Variants in CCDC77 observed in about 807,000 individuals in gnomAD.
CCDC77 encodes the protein coiled-coil domain containing 77, also known as coiled-coil domain-containing protein 77.
A neutral mutation model predicts 66.8 loss-of-function variants in CCDC77; 56 were observed. That is an observed-to-expected ratio of 0.84 (90% CI 0.68 to 1.05). CCDC77 has a LOEUF of 1.05. Among genes scored for constraint, CCDC77 ranks in the 50% least tolerant of loss-of-function variants. The pLI is 0.00. For missense variants in CCDC77, 570 were observed against 576.8 expected, an observed-to-expected ratio of 0.99 and a Z score of 0.12; for synonymous variants, 196 against 195.2, an observed-to-expected ratio of 1.00 and a Z score of -0.03.
chr12:390,700 C>T (rs1944738473), intron 1 of CCDC77, among the ~76,000 whole-genome samples: 1 of 151,012 alleles, frequency 6.6e-6, no homozygotes, highest in Non-Finnish European at 1.5e-5. Context: ...GCTCTATAAT[C>T]AAGTGAGTCA....
chr12:434,870 T>C (rs1450162432), intron 9 of CCDC77, among the ~76,000 whole-genome samples: 1 of 152,246 alleles, frequency 6.6e-6, no homozygotes, highest in East Asian at 1.9e-4. Context: ...ACATCCTCAG[T>C]TGAATGTGTT....
At position 442,199 on chromosome 12, in the gene CCDC77, G is replaced by A. The variant is rs891864947; in HGVS notation, c.*279G>A. The A allele has an allele frequency of 3.1e-5, 8 of 258,868 alleles. No homozygotes were observed. The highest frequency in any genetic ancestry group is 6.7e-5 in the African/African-American group (3 of 45,008). The allele number at this position is 258,868 out of a possible 1,614,324, so 16.0% of individuals were successfully genotyped here. On this transcript the variant is annotated 3_prime_UTR_variant, in exon 13 of 13. Transcript: ENST00000239830. ...ATTATTTATCCTGTCTGTATTGACC[G>A]GTTTTTGTTTTTTCAGAAGGCAGTG...
In CCDC77 at chr12:441,861, G is replaced by A. The variant is rs770644265; in HGVS notation, c.1408G>A (p.Glu470Lys). 2.5e-6 allele frequency: 4 copies of A among 1,613,394 alleles called. No homozygotes were observed. The African/African-American group carries it at 5.4e-5, about 22-fold the overall frequency. Residue 470 changes from glutamate to lysine, a missense_variant, in exon 13 of 13, where the codon GAA becomes AAA. By Grantham distance (56) the Glu-to-Lys change is moderately conservative. Coordinates refer to ENST00000239830, the MANE Select transcript of CCDC77 (RefSeq NM_032358.4). ...SNRRAHKIQG[E>K]LKNLKSKVFG... ...TAGACGGGCACATAAGATACAAGGAGAACTGAAGAATCTTAAGTCGAAAGT... is the reference window on the plus strand; with the variant it reads ...TAGACGGGCACATAAGATACAAGGAAAACTGAAGAATCTTAAGTCGAAAGT...
intron 12 of CCDC77, among the ~76,000 whole-genome samples, 173 bp downstream of exon 12, chr12:441,169 A>G (rs1591997902): frequency 1.3e-5 from 2 of 152,216 alleles, no homozygotes; most frequent in Non-Finnish European, 2.9e-5. Flanking sequence ...GAGGGAAAAT[A>G]AAAAGACCCT....
At chr12:406,620 G>A (rs1274747482) in intron 2 of CCDC77, among the ~76,000 whole-genome samples, 1 of 152,132 alleles carries the variant, frequency 6.6e-6, no homozygotes, top group Non-Finnish European at 1.5e-5. Context: ...ATATTAATGT[G>A]TTGAGAATAC....
In CCDC77 at chr12:442,205, T is replaced by C. The variant is rs1945870146; in HGVS notation, c.*285T>C. The C allele has an allele frequency of 4.0e-6, 1 of 247,502 alleles. No individual in the cohort carries two copies. The highest frequency in any genetic ancestry group is 7.7e-6 in the Non-Finnish European group (1 of 129,746). The allele number at this position is 247,502 out of a possible 1,614,324, so 15.3% of individuals were successfully genotyped here. A position where few individuals can be genotyped will look rare whatever the true frequency, so the allele number is the denominator to read the frequency against. On this transcript the variant is annotated 3_prime_UTR_variant, in exon 13 of 13. Coordinates refer to ENST00000239830, the MANE Select transcript of CCDC77 (RefSeq NM_032358.4). ...TATCCTGTCTGTATTGACCGGTTTTTGTTTTTTCAGAAGGCAGTGATGATG... is the reference window on the plus strand; with the variant it reads ...TATCCTGTCTGTATTGACCGGTTTTCGTTTTTTCAGAAGGCAGTGATGATG...
intron 5 of CCDC77, 187 bp downstream of exon 5, chr12:418,823 C>T (rs1264566080): frequency 5.1e-6 from 3 of 588,758 alleles, no homozygotes; most frequent in Admixed American, 3.1e-5. Context: ...CTCAGCCTCT[C>T]GAGTAGCTGG....
intron 4 of CCDC77, among the ~76,000 whole-genome samples, chr12:415,722 T>C (rs1945242619): frequency 6.6e-6 from 1 of 152,022 alleles, no homozygotes. Flanking sequence ...AGCCTCAACG[T>C]CCTGGACTCA....
chr12:416,161 G>A (rs1007366126), intron 4 of CCDC77, among the ~76,000 whole-genome samples: 3 of 150,962 alleles, frequency 2.0e-5, no homozygotes, highest in African/African-American at 7.3e-5. Flanking sequence ...GGATGGTCTT[G>A]AACTCCTGGG....
rs747648488 is a variant in CCDC77, at chr12:433,216, T to C, written c.715T>C (p.Ser239Pro). 4 of 1,613,916 alleles carry C rather than the reference T, an allele frequency of 2.5e-6. No individual in the cohort carries two copies. In the Admixed American group the frequency reaches 5.0e-5, roughly 20 times the overall value. The change falls in exon 9 of 13, where the codon TCT becomes CCT. Residue 239 changes from serine (S) to proline (P), a missense_variant. Coordinates refer to ENST00000239830, the MANE Select transcript of CCDC77 (RefSeq NM_032358.4). ...TCAGCTGGGAGAGCAGACCAAACTT[T>C]CTCGAGAACAAATTGAAGGGCTCAT... ...QAQLGEQTKL[S>P]REQIEGLIED...
chr12:391,071 A>AT (rs975627604), intron 1 of CCDC77, among the ~76,000 whole-genome samples: 2 of 152,190 alleles, frequency 1.3e-5, no homozygotes, highest in African/African-American at 4.8e-5. Context: ...GAAAATTCCA[A>AT]TTTTTTATGA....
chr12:389,378 T>C (rs1944702427), exon 1 of CCDC77: 2 of 578,250 alleles, frequency 3.5e-6, no homozygotes, highest in Non-Finnish European at 6.2e-6. Context: ...GACGCCTGTG[T>C]GTCTGGCCTT....
intron 4 of CCDC77, among the ~76,000 whole-genome samples, chr12:415,510 A>T (rs1025927268): frequency 7.7e-6 from 1 of 130,400 alleles, no homozygotes; most frequent in Non-Finnish European, 1.6e-5. Context: ...TTAACATAAT[A>T]TGTTAATATT....
At chr12:430,930 A>G (rs1411264928) in intron 7 of CCDC77, among the ~76,000 whole-genome samples, 194 bp downstream of exon 7, 2 of 151,834 alleles carry the variant, frequency 1.3e-5, no homozygotes, top group Non-Finnish European at 2.9e-5. Flanking sequence ...AATACAAAAA[A>G]CTAGCCGGGT....
At chr12:394,926 C>G (rs914737254) in intron 1 of CCDC77, among the ~76,000 whole-genome samples, 1 of 152,188 alleles carries the variant, frequency 6.6e-6, no homozygotes, top group African/African-American at 2.4e-5. Flanking sequence ...TATCGGCTCT[C>G]ATACAGCTCA....
intron 1 of CCDC77, among the ~76,000 whole-genome samples, chr12:402,144 A>G (rs982278130): frequency 6.6e-6 from 1 of 152,230 alleles, no homozygotes; most frequent in Non-Finnish European, 1.5e-5. Context: ...AGCTATAAGA[A>G]TATATCTAAG....
upstream of CCDC77, among the ~76,000 whole-genome samples, chr12:396,778 C>T (rs1012706729): frequency 1.3e-5 from 2 of 152,222 alleles, no homozygotes; most frequent in Non-Finnish European, 2.9e-5. Flanking sequence ...GAGATGACCA[C>T]ATCAATTTCT....
chr12:407,094 C>T (rs1420306847), intron 2 of CCDC77, among the ~76,000 whole-genome samples: 1 of 152,120 alleles, frequency 6.6e-6, no homozygotes, highest in Admixed American at 6.5e-5. Context: ...TTGAGTGAAG[C>T]CAGGAGTTTG....
rs755600704 is a variant in CCDC77, at chr12:441,926, A to G, written c.*6A>G. ...ATGAACTTAGACTCTGTTAATGTCT[A>G]CTTTTGGAAATGGCCCCCATTTAGA... is the stretch of plus-strand genomic sequence containing the variant. On this transcript the variant is annotated 3_prime_UTR_variant, in exon 13 of 13. Transcript: ENST00000239830. The G allele has an allele frequency of 6.2e-7, 1 of 1,613,838 alleles. No homozygotes were observed. The highest frequency in any genetic ancestry group is 1.7e-5 in the Admixed American group (1 of 60,000).
Sources: allele counts gnomAD v4.1 joint callset (sites outside exome capture counted in the v4.1 genomes callset), GRCh38; gene constraint gnomAD v4.1.1; transcripts MANE v1.5; gene names NCBI Gene and HGNC (gene_info 2026-07-23, HGNC 2026-07-21).